C12orf42: variants seen among roughly 807,000 people sequenced by gnomAD.
The protein encoded by C12orf42 is chromosome 12 open reading frame 42, also known as uncharacterized protein C12orf42.
C12orf42 carries 25 observed loss-of-function variants against 21.6 expected under a neutral mutation model. That is an observed-to-expected ratio of 1.16 (90% confidence interval 0.84 to 1.62). The LOEUF is 1.62. Ranked by LOEUF, C12orf42 falls within the 40% of genes most tolerant of loss-of-function variation. The probability of loss-of-function intolerance (pLI) is 0.00; values close to 1 mark genes in which losing one functional copy is unlikely to be tolerated. For synonymous variants in C12orf42, 174 were observed against 175.0 expected, an observed-to-expected ratio of 0.99 and a Z score of 0.05; for missense variants, 483 against 459.3, an observed-to-expected ratio of 1.05 and a Z score of -0.47.
At chr12:103,232,628 A>G (rs139696876), downstream of C12orf42, among the ~76,000 whole-genome samples, 66 of 151,152 alleles carry the variant, frequency 4.4e-4, 2 homozygotes, top group East Asian at 0.012. Context: ...GGAGAATGGC[A>G]TGAAGCCGGG....
the C12orf42 span, among the ~76,000 whole-genome samples, chr12:103,119,768 C>G: frequency 2.0e-5 from 3 of 152,228 alleles, no homozygotes; most frequent in Non-Finnish European, 2.9e-5. Flanking sequence ...CTTCAATTCA[C>G]ATATATTTAT....
rs1300807438 is a variant in C12orf42, at chr12:103,294,438, GA to G, written n.338-17229del. ...GAGAGAAAGGAGAGAGAGAAAGAAA[GA>G]AAGAAAGAAAGAAAGAAAGAAAGAA... On this transcript the variant is annotated intron_variant and non_coding_transcript_variant, in intron 4 of 6. Transcript: ENST00000546526. Among the ~76,000 whole-genome samples, 7 of 106,464 alleles carry G rather than the reference GA, an allele frequency of 6.6e-5. No homozygotes were observed. The East Asian group carries it at 1.9e-3, about 28-fold the overall frequency. The allele number at this position is 106,464 out of a possible 152,430, so 69.8% of individuals were successfully genotyped here.
At chr12:103,399,786 A>G (rs989879870) in intron 3 of C12orf42, among the ~76,000 whole-genome samples, 3 of 152,186 alleles carry the variant, frequency 2.0e-5, no homozygotes, top group Admixed American at 6.5e-5. Context: ...CAGTAAATAC[A>G]ATATGTAAGG....
At chr12:103,169,089 C>T in the C12orf42 span, among the ~76,000 whole-genome samples, 1 of 151,706 alleles carries the variant, frequency 6.6e-6, no homozygotes, top group Non-Finnish European at 1.5e-5. Flanking sequence ...CAGCAAACCA[C>T]CATGGCATGT....
At chr12:103,112,778 C>G in the C12orf42 span, among the ~76,000 whole-genome samples, 2 of 152,210 alleles carry the variant, frequency 1.3e-5, no homozygotes, top group South Asian at 4.1e-4. Flanking sequence ...CTCTACAGCT[C>G]TAACTTCATG....
At chr12:103,202,701 T>C in the C12orf42 span, among the ~76,000 whole-genome samples, 2 of 152,204 alleles carry the variant, frequency 1.3e-5, no homozygotes, top group African/African-American at 4.8e-5. Flanking sequence ...ATCTGTCTCC[T>C]TCTAGGGCTC....
the C12orf42 span, among the ~76,000 whole-genome samples, chr12:103,136,097 A>G: frequency 8.5e-5 from 13 of 152,328 alleles, no homozygotes; most frequent in Middle Eastern, 0.014. Context: ...GGGAAAGAGG[A>G]AGTCAAATTA....
At chr12:103,065,363 T>G in the C12orf42 span, among the ~76,000 whole-genome samples, 2 of 152,234 alleles carry the variant, frequency 1.3e-5, no homozygotes, top group African/African-American at 4.8e-5. Context: ...AGCCATTGAC[T>G]TGGGGAATAT....
intron 2 of C12orf42, among the ~76,000 whole-genome samples, chr12:103,416,518 C>T (rs2049348926): frequency 6.6e-6 from 1 of 151,976 alleles, no homozygotes; most frequent in African/African-American, 2.4e-5. Context: ...GGGAATAAAA[C>T]ATCCTCTTGA....
intron 4 of C12orf42, among the ~76,000 whole-genome samples, chr12:103,322,944 G>T (rs185310724): frequency 3.9e-4 from 60 of 152,212 alleles, no homozygotes; most frequent in African/African-American, 1.4e-3. Context: ...ATGCATGATT[G>T]CATATTTCCT....
intron 3 of C12orf42, among the ~76,000 whole-genome samples, chr12:103,382,397 T>C (rs1174417124): frequency 1.3e-5 from 2 of 152,178 alleles, no homozygotes; most frequent in African/African-American, 4.8e-5. Context: ...GCTAAGGCAA[T>C]AGTAGCAGAA....
the C12orf42 span, among the ~76,000 whole-genome samples, chr12:103,083,589 T>C: frequency 2.6e-5 from 4 of 152,196 alleles, no homozygotes; most frequent in African/African-American, 7.2e-5. Context: ...GCTTTTGCTT[T>C]TCATCTCAAT....
the C12orf42 span, among the ~76,000 whole-genome samples, chr12:103,053,779 A>T: frequency 2.6e-5 from 4 of 151,886 alleles, no homozygotes; most frequent in African/African-American, 9.7e-5. Context: ...TTTGTACAAG[A>T]TGTGAGACTT....
intron 2 of C12orf42, among the ~76,000 whole-genome samples, chr12:103,449,124 T>TAGATAGAC (rs1565846669): frequency 6.7e-6 from 1 of 148,836 alleles, no homozygotes; most frequent in Non-Finnish European, 1.5e-5. Context: ...GATAGATAGA[T>TAGATAGAC]AGATAGACAG....
chr12:103,472,203 C>T (rs966270251), intron 2 of C12orf42, among the ~76,000 whole-genome samples: 3 of 151,782 alleles, frequency 2.0e-5, no homozygotes, highest in Non-Finnish European at 4.4e-5. Flanking sequence ...TACAGGCACC[C>T]GCCACCATGC....
At chr12:103,137,868 A>G in the C12orf42 span, among the ~76,000 whole-genome samples, 4 of 152,098 alleles carry the variant, frequency 2.6e-5, no homozygotes, top group Admixed American at 2.6e-4. Context: ...GAGGCCAGGC[A>G]GGGTGTGTGG....
Position 103,253,516 on chromosome 12 carries a change from C to A in C12orf42, c.*1366+9810G>T, listed in dbSNP as rs2034408104. 2.0e-5 allele frequency among the ~76,000 whole-genome samples: 3 copies of A among 152,140 alleles called. No individual in the cohort carries two copies. The East Asian group carries it at 5.8e-4, about 29-fold the overall frequency. On this transcript the variant is annotated intron_variant and NMD_transcript_variant, in intron 10 of 10. Coordinates refer to the C12orf42 transcript ENST00000547347. ...GTTTGTAGTTCTCCTTGAAGAGGTC[C>A]TTCATGTCCCTTGTAAGTTGTATCC...
At chr12:103,210,639 C>CTTTTTTTTTTTTTTTTTTTTTCTTTTT in the C12orf42 span, among the ~76,000 whole-genome samples, 6 of 77,632 alleles carry the variant, frequency 7.7e-5, no homozygotes, top group Admixed American at 1.5e-4. Context: ...CCCTCTATTT[C>CTTTTTTTTTTTTTTTTTTTTTCTTTTT]TTTTTTTTTT....
the C12orf42 span, among the ~76,000 whole-genome samples, chr12:103,124,725 A>T: frequency 2.0e-5 from 3 of 152,128 alleles, no homozygotes; most frequent in East Asian, 5.8e-4. Flanking sequence ...GCCTCTCCAG[A>T]TCCTTGGGTA....
Sources: allele counts gnomAD v4.1 joint callset (sites outside exome capture counted in the v4.1 genomes callset), GRCh38; gene constraint gnomAD v4.1.1; transcripts MANE v1.5; gene names NCBI Gene and HGNC (gene_info 2026-07-23, HGNC 2026-07-21).